Variants in PABPC4L observed in about 807,000 individuals in gnomAD.
The protein encoded by PABPC4L is poly(A) binding protein cytoplasmic 4 like.
For missense variants in PABPC4L, 452 were observed against 451.4 expected (o/e 1.00, Z -0.01); for synonymous variants, 169 against 164.1 (o/e 1.03, Z -0.23).
rs559047864 is a variant in PABPC4L, at chr4:134,199,922, C to T, written c.1098G>A (p.Leu366=). ...ILGSKPLSIA[L]AQRH ...TTTTTCTTTCCTAGTGTCTCTGGGCCAAGGCAATGCTAAGAGGTTTGGAGC... is the reference window on the plus strand; with the variant it reads ...TTTTTCTTTCCTAGTGTCTCTGGGCTAAGGCAATGCTAAGAGGTTTGGAGC... Residue 366 remains leucine, a synonymous_variant, in exon 2 of 2, where the codon TTG becomes TTA. Coordinates refer to ENST00000421491, the MANE Select transcript of PABPC4L (RefSeq NM_001114734.2). 23 of 1,551,488 alleles carry T rather than the reference C, an allele frequency of 1.5e-5. No individual in the cohort carries two copies. The African/African-American group carries it at 1.9e-4, about 13-fold the overall frequency.
the PABPC4L span, among the ~76,000 whole-genome samples, chr4:134,009,258 A>G: frequency 6.6e-6 from 1 of 151,974 alleles, no homozygotes; most frequent in South Asian, 2.1e-4. Flanking sequence ...AACACCCAAA[A>G]GAATATTTTC....
the PABPC4L span, among the ~76,000 whole-genome samples, chr4:134,088,729 G>C: frequency 6.6e-6 from 1 of 151,962 alleles, no homozygotes; most frequent in Non-Finnish European, 1.5e-5. Context: ...TTGATATGGG[G>C]CTTCCCAGGC....
At chr4:134,067,695 G>T in the PABPC4L span, among the ~76,000 whole-genome samples, 6 of 152,052 alleles carry the variant, frequency 3.9e-5, no homozygotes, top group African/African-American at 1.4e-4. Context: ...AACCACCTTA[G>T]TAATGTCCCA....
At chr4:134,110,790 A>T in the PABPC4L span, among the ~76,000 whole-genome samples, 1 of 152,052 alleles carries the variant, frequency 6.6e-6, no homozygotes, top group Non-Finnish European at 1.5e-5. Context: ...CTATGTAAAT[A>T]GTTGTTATAC....
chr4:134,123,233 A>G, the PABPC4L span, among the ~76,000 whole-genome samples: 4 of 152,038 alleles, frequency 2.6e-5, no homozygotes, highest in African/African-American at 7.2e-5. Context: ...TTCAACACAC[A>G]TGTTTTCTCC....
At chr4:134,050,713 A>C in the PABPC4L span, among the ~76,000 whole-genome samples, 28 of 115,710 alleles carry the variant, frequency 2.4e-4, no homozygotes, top group African/African-American at 8.5e-4. Context: ...TCCCAAAAAA[A>C]AAAAAAAAAA....
the PABPC4L span, among the ~76,000 whole-genome samples, chr4:133,955,072 G>C: frequency 6.6e-6 from 1 of 151,834 alleles, no homozygotes; most frequent in East Asian, 1.9e-4. Context: ...GTAATTAAGG[G>C]ATAATAACAC....
the PABPC4L span, among the ~76,000 whole-genome samples, chr4:134,155,632 A>G: frequency 6.6e-6 from 1 of 152,018 alleles, no homozygotes; most frequent in Non-Finnish European, 1.5e-5. Context: ...AATTACATAT[A>G]ATCATTTAAA....
chr4:134,196,666 G>C lies in PABPC4L; in HGVS notation c.*3241C>G, dbSNP rs536682697. On this transcript the variant is annotated 3_prime_UTR_variant, in exon 2 of 2. Coordinates refer to ENST00000421491, the MANE Select transcript of PABPC4L (RefSeq NM_001114734.2). Reference sequence around the variant, plus strand: ...ATTCTACTTATTTATTAAGGCACTTGGGCACAAAAGATTTAATATTCTTTA... The same window carrying C: ...ATTCTACTTATTTATTAAGGCACTTCGGCACAAAAGATTTAATATTCTTTA... 3 of 151,474 alleles carry C rather than the reference G, an allele frequency of 2.0e-5. No individual in the cohort carries two copies. Among genetic ancestry groups the C allele is most frequent in the Middle Eastern group, 3.4e-3 (1 of 292 alleles). The allele number at this position is 151,474 out of a possible 1,614,324, so 9.4% of individuals were successfully genotyped here. A position where few individuals can be genotyped will look rare whatever the true frequency, so the allele number is the denominator to read the frequency against.
Position 134,199,460 on chromosome 4 carries a change from AT to A in PABPC4L, c.*446del. On this transcript the variant is annotated 3_prime_UTR_variant, in exon 2 of 2. Coordinates refer to ENST00000421491, the MANE Select transcript of PABPC4L (RefSeq NM_001114734.2). ...AAAAGTTTGATTTCTCAAAACTTGG[AT>A]GAAAAATTAGAAAATTTCTGTTGGT... 1 of 152,578 alleles carries A rather than the reference AT, an allele frequency of 6.6e-6. No homozygotes were observed. The highest frequency in any genetic ancestry group is 6.5e-5 in the Admixed American group (1 of 15,296). The allele number at this position is 152,578 out of a possible 1,614,324, so 9.5% of individuals were successfully genotyped here. A position where few individuals can be genotyped will look rare whatever the true frequency, so the allele number is the denominator to read the frequency against.
the PABPC4L span, among the ~76,000 whole-genome samples, chr4:134,026,381 G>A: frequency 1.3e-5 from 2 of 151,902 alleles, no homozygotes; most frequent in South Asian, 4.1e-4. Flanking sequence ...GACTACAGGT[G>A]CACACCACCA....
the PABPC4L span, among the ~76,000 whole-genome samples, chr4:133,960,626 C>A: frequency 6.6e-6 from 1 of 152,122 alleles, no homozygotes; most frequent in African/African-American, 2.4e-5. Flanking sequence ...AGGGGAAGAA[C>A]TAAAGCTCTT....
the PABPC4L span, among the ~76,000 whole-genome samples, chr4:134,072,599 T>A: frequency 2.6e-5 from 4 of 152,164 alleles, no homozygotes; most frequent in African/African-American, 9.7e-5. Flanking sequence ...ATGGTTCTCA[T>A]AGATTTTCTC....
the PABPC4L span, among the ~76,000 whole-genome samples, chr4:134,044,620 T>A: frequency 6.6e-6 from 1 of 152,164 alleles, no homozygotes; most frequent in African/African-American, 2.4e-5. Context: ...TGCTCCATGT[T>A]CTTTCTCTGA....
chr4:133,962,432 G>GA, the PABPC4L span, among the ~76,000 whole-genome samples: 1 of 152,048 alleles, frequency 6.6e-6, no homozygotes, highest in African/African-American at 2.4e-5. Context: ...ATAGCATAAA[G>GA]AAAAAACAAT....
At chr4:134,010,797 G>A in the PABPC4L span, 1 of 152,090 alleles carries the variant, frequency 6.6e-6, no homozygotes. Flanking sequence ...ACCACAAGAG[G>A]ACTGCAATTT....
At chr4:134,072,441 A>C in the PABPC4L span, among the ~76,000 whole-genome samples, 1 of 152,240 alleles carries the variant, frequency 6.6e-6, no homozygotes, top group South Asian at 2.1e-4. Flanking sequence ...ATAAAATGTG[A>C]CTCCATAGGG....
chr4:134,158,556 G>C, the PABPC4L span, among the ~76,000 whole-genome samples: 11 of 151,778 alleles, frequency 7.2e-5, no homozygotes, highest in South Asian at 2.1e-4. Context: ...AGTTTTCTTT[G>C]GCACAAAACA....
chr4:134,146,437 T>A, the PABPC4L span, among the ~76,000 whole-genome samples: 31,765 of 151,854 alleles, frequency 0.21, 4,123 homozygotes, highest in Non-Finnish European at 0.27. Flanking sequence ...GTTTGGAGAA[T>A]GAGAAAAAAT....
Sources: allele counts gnomAD v4.1 joint callset (sites outside exome capture counted in the v4.1 genomes callset), GRCh38; gene constraint gnomAD v4.1.1; transcripts MANE v1.5; gene names NCBI Gene and HGNC (gene_info 2026-07-23, HGNC 2026-07-21).